APP: variants seen among roughly 807,000 people sequenced by gnomAD.
APP encodes the protein amyloid beta precursor protein, also known as amyloid-beta precursor protein.
APP carries 31 observed loss-of-function variants against 101.4 expected under a neutral mutation model. The ratio of observed to expected loss-of-function variants is 0.31; its 90% CI spans 0.23 to 0.41. APP has a LOEUF of 0.41. Among genes scored for constraint, APP ranks in the 10% least tolerant of loss-of-function variants. APP has a pLI of 1.00. For synonymous variants in APP, 366 were observed against 364.4 expected (o/e 1.00, Z -0.05); for missense variants, 839 against 1,003.7 (o/e 0.84, Z 2.22).
At chr21:25,889,140 C>T (rs982201517) in intron 17 of APP, among the ~76,000 whole-genome samples, 13 of 152,176 alleles carry the variant, frequency 8.5e-5, no homozygotes, top group African/African-American at 3.1e-4. Flanking sequence ...TGTTGAAGTC[C>T]TAAGCTGCCA....
intron 1 of APP, among the ~76,000 whole-genome samples, chr21:26,154,874 C>CT (rs2063343960): frequency 1.3e-5 from 2 of 152,172 alleles, no homozygotes; most frequent in African/African-American, 4.8e-5. Context: ...AGAGACTCTC[C>CT]TAGAGCTGCA....
Position 26,166,886 on chromosome 21 carries a change from GAGAGAGAGAGAGAGAGAGAA to G in APP, c.57+3658_57+3677del, listed in dbSNP as rs796583912. On this transcript the variant is annotated intron_variant, in intron 1 of 17. Transcript: ENST00000346798. ...GTCACTCAAGTGAGAGAGAGAGAGAGAGAGAGAGAGAGAGAGAGAAAGAGAGAGAAAGAGACAGAGGGTGT... is the reference window on the plus strand; with the variant it reads ...GTCACTCAAGTGAGAGAGAGAGAGAGAGAGAGAGAAAGAGACAGAGGGTGT... Among the ~76,000 whole-genome samples, 221 of 94,138 alleles carry G rather than the reference GAGAGAGAGAGAGAGAGAGAA, an allele frequency of 2.3e-3. 2 individuals carry two copies. Among genetic ancestry groups the G allele is most frequent in the African/African-American group, 0.011 (160 of 13,944 alleles). The allele number at this position is 94,138 out of a possible 152,430, so 61.8% of individuals were successfully genotyped here.
At chr21:26,073,109 C>T (rs554333520) in intron 3 of APP, among the ~76,000 whole-genome samples, 10 of 152,124 alleles carry the variant, frequency 6.6e-5, no homozygotes, top group African/African-American at 2.2e-4. Flanking sequence ...TCTGAAAAAC[C>T]ACTGCACTTA....
chr21:25,915,978 T>G (rs2039328893), intron 13 of APP, among the ~76,000 whole-genome samples: 1 of 152,164 alleles, frequency 6.6e-6, no homozygotes, highest in Non-Finnish European at 1.5e-5. Flanking sequence ...CCTTCGTTTT[T>G]TTTTTTTGGT....
At chr21:26,054,502 G>T (rs867976402) in intron 3 of APP, among the ~76,000 whole-genome samples, 2 of 151,922 alleles carry the variant, frequency 1.3e-5, no homozygotes, top group Non-Finnish European at 2.9e-5. Context: ...GGTGGAAGCA[G>T]AAAGCAAGTG....
At chr21:26,165,853 T>G (rs963362471) in intron 1 of APP, among the ~76,000 whole-genome samples, 1 of 152,222 alleles carries the variant, frequency 6.6e-6, no homozygotes, top group Non-Finnish European at 1.5e-5. Context: ...AATACTCAGC[T>G]AGCTAATCTA....
At chr21:26,118,243 C>T (rs2062480698) in intron 1 of APP, among the ~76,000 whole-genome samples, 1 of 152,102 alleles carries the variant, frequency 6.6e-6, no homozygotes, top group South Asian at 2.1e-4. Context: ...TTGAAGCATG[C>T]ATTTAGGCAG....
At chr21:25,982,313 T>C (rs1464634833) in intron 9 of APP, 31 bp downstream of exon 9, 1 of 1,612,778 alleles carries the variant, frequency 6.2e-7, no homozygotes, top group African/African-American at 1.3e-5. Flanking sequence ...CCCAATATCG[T>C]AGGGCTGAAT....
At chr21:26,060,521 A>G (rs1460084577) in intron 3 of APP, among the ~76,000 whole-genome samples, 1 of 152,246 alleles carries the variant, frequency 6.6e-6, no homozygotes, top group Non-Finnish European at 1.5e-5. Context: ...AAACAGATAA[A>G]ACGATATATG....
At chr21:26,141,702 G>A (rs899127301) in intron 1 of APP, among the ~76,000 whole-genome samples, 3 of 152,174 alleles carry the variant, frequency 2.0e-5, no homozygotes, top group Non-Finnish European at 4.4e-5. Context: ...TCTCTGGGCT[G>A]TATTATTTCT....
At chr21:25,931,700 C>T (rs1037613052) in intron 13 of APP, among the ~76,000 whole-genome samples, 13 of 152,096 alleles carry the variant, frequency 8.5e-5, no homozygotes, top group African/African-American at 2.7e-4. Context: ...TGGGATAGGG[C>T]GAGATGCTAT....
intron 3 of APP, among the ~76,000 whole-genome samples, chr21:26,059,598 G>A (rs558874408): frequency 5.9e-4 from 90 of 152,214 alleles, no homozygotes; most frequent in Non-Finnish European, 9.3e-4. Context: ...CACTTTATAA[G>A]AGAAGGCAAG....
intron 1 of APP, among the ~76,000 whole-genome samples, chr21:26,146,400 T>C (rs181559225): frequency 2.1e-4 from 32 of 152,340 alleles, no homozygotes; most frequent in Middle Eastern, 3.4e-3. Context: ...TAAAAAACAA[T>C]GTTATATCAC....
intron 13 of APP, among the ~76,000 whole-genome samples, chr21:25,925,990 A>C (rs1234308929): frequency 6.6e-6 from 1 of 152,222 alleles, no homozygotes; most frequent in African/African-American, 2.4e-5. Flanking sequence ...TCAAAAACAA[A>C]GCAAACAAAG....
At chr21:26,117,177 C>T (rs2062453785) in intron 1 of APP, among the ~76,000 whole-genome samples, 1 of 152,248 alleles carries the variant, frequency 6.6e-6, no homozygotes, top group South Asian at 2.1e-4. Flanking sequence ...AGCCACTGTG[C>T]CCAGCTTTGT....
At chr21:25,893,397 C>A (rs1183189740) in intron 16 of APP, among the ~76,000 whole-genome samples, 2 of 152,194 alleles carry the variant, frequency 1.3e-5, no homozygotes, top group African/African-American at 2.4e-5. Context: ...GCTTAGTGGG[C>A]AAGGCATATT....
At chr21:26,071,644 GT>G (rs1184079117) in intron 3 of APP, among the ~76,000 whole-genome samples, 2 of 152,188 alleles carry the variant, frequency 1.3e-5, no homozygotes, top group African/African-American at 4.8e-5. Flanking sequence ...GAAAATTACA[GT>G]TAGGATCTGC....
chr21:25,955,370 T>C (rs1271481807), intron 12 of APP, among the ~76,000 whole-genome samples: 2 of 152,232 alleles, frequency 1.3e-5, no homozygotes, highest in Non-Finnish European at 2.9e-5. Context: ...ATTTTAGTCA[T>C]TGGTTTTAAT....
intron 2 of APP, among the ~76,000 whole-genome samples, chr21:26,090,575 G>A (rs575135926): frequency 2.0e-5 from 3 of 152,210 alleles, no homozygotes; most frequent in Non-Finnish European, 1.5e-5. Context: ...TTTTCCAGGG[G>A]AGCTAAAATA....
Sources: allele counts gnomAD v4.1 joint callset (sites outside exome capture counted in the v4.1 genomes callset), GRCh38; gene constraint gnomAD v4.1.1; transcripts MANE v1.5; gene names NCBI Gene and HGNC (gene_info 2026-07-23, HGNC 2026-07-21).